Variants in RB1 observed in about 807,000 individuals in gnomAD.
RB1 encodes the protein RB transcriptional corepressor 1, also known as retinoblastoma-associated protein.
In RB1, 18 loss-of-function variants were observed where a neutral mutation model predicts 135.4. That is an observed-to-expected ratio of 0.13 (90% confidence interval 0.09 to 0.20). The LOEUF is 0.20. Ranked by LOEUF, RB1 falls within the 10% of genes least tolerant of loss-of-function variation. The pLI, the probability that RB1 is intolerant of heterozygous loss-of-function variation, is 1.00. For missense variants in RB1, 868 were observed against 1,110.0 expected (o/e 0.78, Z 3.10); for synonymous variants, 365 against 373.2 (o/e 0.98, Z 0.25).
chr13:48,430,054 A>T (rs1296789170), intron 17 of RB1, among the ~76,000 whole-genome samples: 1 of 152,160 alleles, frequency 6.6e-6, no homozygotes, highest in East Asian at 1.9e-4. Context: ...GGGTTATATC[A>T]CCTAGCAGTT....
At chr13:48,323,900 T>C (rs1486131310) in intron 2 of RB1, among the ~76,000 whole-genome samples, 1 of 152,092 alleles carries the variant, frequency 6.6e-6, no homozygotes, top group African/African-American at 2.4e-5. Flanking sequence ...AGCATGCATT[T>C]TGGGGGATAC....
intron 17 of RB1, chr13:48,429,351 G>C (rs1487156293): frequency 6.6e-6 from 1 of 152,244 alleles, no homozygotes. Context: ...GGAGTTCTGG[G>C]CTGTGCGCTA....
At chr13:48,415,272 CT>C (rs1948888907) in intron 17 of RB1, among the ~76,000 whole-genome samples, 1 of 151,322 alleles carries the variant, frequency 6.6e-6, no homozygotes, top group South Asian at 2.1e-4. Context: ...TTTTTCTTTT[CT>C]TTTCTTTTTC....
chr13:48,392,114 T>C (rs558685693), intron 17 of RB1, among the ~76,000 whole-genome samples: 3 of 152,038 alleles, frequency 2.0e-5, no homozygotes, highest in Non-Finnish European at 4.4e-5. Flanking sequence ...CCTTGTTTCT[T>C]TTTTTCTTTT....
At chr13:48,461,708 G>A (rs1949406524) in intron 20 of RB1, among the ~76,000 whole-genome samples, 1 of 151,688 alleles carries the variant, frequency 6.6e-6, no homozygotes, top group African/African-American at 2.4e-5. Flanking sequence ...TGGCATCTCA[G>A]TGTGGTTTGA....
At chr13:48,445,221 G>A (rs944626368) in intron 17 of RB1, 1 of 152,108 alleles carries the variant, frequency 6.6e-6, no homozygotes, top group African/African-American at 2.4e-5. Context: ...AAGCAACACA[G>A]GTCATCATTG....
chr13:48,456,181 A>C (rs1217612110), intron 18 of RB1, 23 bp from the exon 19 acceptor site: 1 of 1,613,506 alleles, frequency 6.2e-7, no homozygotes, highest in South Asian at 1.1e-5. Context: ...TGAAATGAAG[A>C]CTTTTCCTTT....
intron 23 of RB1, among the ~76,000 whole-genome samples, chr13:48,465,727 G>A (rs966332897): frequency 4.0e-5 from 6 of 151,414 alleles, no homozygotes; most frequent in African/African-American, 1.5e-4. Context: ...GAAGCAGGGC[G>A]AGGCATTGCC....
At chr13:48,338,136 T>C (rs1184533209) in intron 2 of RB1, among the ~76,000 whole-genome samples, 1 of 152,212 alleles carries the variant, frequency 6.6e-6, no homozygotes, top group African/African-American at 2.4e-5. Flanking sequence ...TCAACTTTGG[T>C]GAATCTGACA....
intron 17 of RB1, among the ~76,000 whole-genome samples, chr13:48,409,256 A>G (rs569249467): frequency 6.6e-6 from 1 of 150,806 alleles, no homozygotes; most frequent in African/African-American, 2.4e-5. Context: ...TGAAGGCATT[A>G]AAGATGTATT....
At chr13:48,479,080 T>C (rs1329167958) in intron 26 of RB1, among the ~76,000 whole-genome samples, 1 of 151,884 alleles carries the variant, frequency 6.6e-6, no homozygotes, top group East Asian at 1.9e-4. Flanking sequence ...ATCCAAAAAT[T>C]AGCCAGGCCT....
chr13:48,373,481 T>C lies in RB1; in HGVS notation c.1204T>C (p.Ser402Pro), dbSNP rs765021598. 6.4e-7 allele frequency: 1 copy of C among 1,573,506 alleles called. No individual in the cohort carries two copies. Among genetic ancestry groups the C allele is most frequent in the Admixed American group, 1.7e-5 (1 of 59,928 alleles). ...TGATCAACCTTCAGAAAATCTGATT[T>C]CCTATTTTAACGTAAGCCATATATG... The part of the protein sequence containing the change: ...ASDQPSENLI[S>P]YFNNCTVNPK... The change falls in exon 12 of 27, where the codon TCC becomes CCC. Residue 402 changes from serine (S) to proline (P), a missense_variant. Physicochemically the swap from Ser to Pro is moderately conservative, Grantham distance 74. Around this residue, in one of 3 missense-constraint regions of RB1, gnomAD observed 641 missense variants for 791.3 expected, o/e 0.81. Transcript: ENST00000267163.
chr13:48,459,639 G>A (rs988843859), intron 19 of RB1, 49 bp from the exon 20 acceptor site: 1 of 1,597,978 alleles, frequency 6.3e-7, no homozygotes, highest in African/African-American at 1.3e-5. Flanking sequence ...AAATCTACTT[G>A]TAATTCAAAA....
intron 6 of RB1, among the ~76,000 whole-genome samples, chr13:48,351,835 G>A (rs1341460002): frequency 2.0e-5 from 3 of 151,826 alleles, no homozygotes; most frequent in African/African-American, 4.8e-5. Flanking sequence ...CACCATGCCC[G>A]GCTAATTTTT....
rs139142140 is a variant in RB1, at chr13:48,415,168, A to T, written c.1695+33725A>T. 4.6e-4 allele frequency among the ~76,000 whole-genome samples: 70 copies of T among 152,300 alleles called. 1 individual carries two copies. In the East Asian group the frequency reaches 0.01, roughly 22 times the overall value. On this transcript the variant is annotated intron_variant, in intron 17 of 26. Coordinates refer to ENST00000267163, the MANE Select transcript of RB1 (RefSeq NM_000321.3). ...AATATGGCGGCATTTTCTCATTCAA[A>T]TAATTAAAATTTATTAATTCTACTT...
chr13:48,380,052 G>GGAA lies in RB1; in HGVS notation c.1396_1398dup (p.Glu466dup), dbSNP rs1948519753. 1 of 1,343,718 alleles carries GGAA rather than the reference G, an allele frequency of 7.4e-7. No individual in the cohort carries two copies. The highest frequency in any genetic ancestry group is 1.0e-6 in the Non-Finnish European group (1 of 994,350). The allele number at this position is 1,343,718 out of a possible 1,614,324, so 83.2% of individuals were successfully genotyped here. A position where few individuals can be genotyped will look rare whatever the true frequency, so the allele number is the denominator to read the frequency against. The stretch of plus-strand genomic sequence containing the variant: ...TTTTTTTTTTAAATTATCTGTTTCA[G>GGAA]GAAGAAGAACGATTATCCATTCAAA... On this transcript the variant is annotated inframe_insertion and splice_region_variant. Coordinates refer to ENST00000267163, the MANE Select transcript of RB1 (RefSeq NM_000321.3).
At chr13:48,409,125 G>A (rs1201730988) in intron 17 of RB1, among the ~76,000 whole-genome samples, 1 of 148,380 alleles carries the variant, frequency 6.7e-6, no homozygotes, top group Non-Finnish European at 1.5e-5. Context: ...ATCTTCACTA[G>A]TTTTTTGGGT....
At chr13:48,338,216 A>G (rs198631) in intron 2 of RB1, among the ~76,000 whole-genome samples, 118,722 of 152,018 alleles carry the variant, frequency 0.78, 52,117 homozygotes, top group Non-Finnish European at 0.97. Context: ...CTGAATTTGA[A>G]TGTTGGCCTG....
chr13:48,364,504 C>T (rs1269562226), intron 8 of RB1, among the ~76,000 whole-genome samples: 1 of 152,098 alleles, frequency 6.6e-6, no homozygotes, highest in East Asian at 1.9e-4. Context: ...ATATATAGTA[C>T]ATATACAAAA....
Sources: gnomAD v4.1 joint callset for allele counts (sites outside exome capture counted in the v4.1 genomes callset) on GRCh38, gnomAD v4.1.1 for gene constraint, gnomAD v4.1.1 regional missense constraint, MANE v1.5 for transcripts, NCBI Gene and HGNC (gene_info 2026-07-23, HGNC 2026-07-21) for gene names.